Variants in APAF1 observed in about 807,000 individuals in gnomAD.
APAF1 encodes apoptotic protease-activating factor 1.
APAF1 carries 91 observed loss-of-function variants against 152.4 expected under a neutral mutation model. The observed-to-expected ratio is 0.60, with a 90% CI of 0.50 to 0.71. The LOEUF is 0.71. APAF1 is among the 30% of genes least tolerant of loss of function. The probability of loss-of-function intolerance (pLI) is 0.00; values close to 1 mark genes in which losing one functional copy is unlikely to be tolerated. For missense variants in APAF1, 1,283 were observed against 1,472.0 expected (o/e 0.87, Z 2.10); for synonymous variants, 484 against 494.1 (o/e 0.98, Z 0.27).
At chr12:98,665,424 GAT>G in intron 7 of APAF1, 127 bp from the exon 8 acceptor site, 1 of 755,150 alleles carries the variant, frequency 1.3e-6, no homozygotes, top group South Asian at 1.5e-5. Flanking sequence ...AGTCAAGAGT[GAT>G]AAATACTTAA....
rs2097661685 is a variant in APAF1, at chr12:98,659,292, T to C, written c.659T>C (p.Ile220Thr). ...ESFSQRLPLNIEEAKDRLRIL... is the reference protein window; with the variant it reads ...ESFSQRLPLNTEEAKDRLRIL... ...TTTTCCCAGAGGCTTCCACTTAATA[T>C]TGAAGAGGCTAAAGACCGTCTCCGC... The change falls in exon 5 of 27, where the codon ATT becomes ACT. Residue 220 changes from isoleucine (I) to threonine (T), a missense_variant. Transcript: ENST00000551964. 2 of 1,614,190 alleles carry C rather than the reference T, an allele frequency of 1.2e-6. No individual in the cohort carries two copies. Among genetic ancestry groups the C allele is most frequent in the Non-Finnish European group, 8.5e-7 (1 of 1,180,038 alleles).
chr12:98,667,567 CT>C lies in APAF1; in HGVS notation c.1420del (p.Ser474HisfsTer30). ...TCAGAGATATCACCAGCCGCATACT[CT>C]TTCACCAGATCAGGAAGACTGTATG... ...QFQRYHQPHTLSPDQEDCMYW... is the reference protein window; with the variant it reads ...QFQRYHQPHTXSPDQEDCMYW... On this transcript the variant is annotated frameshift_variant, in exon 10 of 27. Coordinates refer to ENST00000551964, the MANE Select transcript of APAF1 (RefSeq NM_181861.2). LOFTEE classifies it high-confidence loss of function. 1 of 1,614,032 alleles carries C rather than the reference CT, an allele frequency of 6.2e-7. No individual in the cohort carries two copies. The highest frequency in any genetic ancestry group is 1.1e-5 in the South Asian group (1 of 91,080).
intron 26 of APAF1, among the ~76,000 whole-genome samples, chr12:98,731,972 A>G (rs1282346069): frequency 6.6e-6 from 1 of 152,166 alleles, no homozygotes; most frequent in Non-Finnish European, 1.5e-5. Flanking sequence ...TAGAGAGAAC[A>G]TTGTTTCCTG....
chr12:98,683,033 T>C, intron 14 of APAF1, 110 bp from the exon 15 acceptor site: 1 of 848,192 alleles, frequency 1.2e-6, no homozygotes, highest in Non-Finnish European at 1.9e-6. Flanking sequence ...TAGGAAAATC[T>C]GCTATGACAG....
Position 98,671,690 on chromosome 12 carries a change from C to T in APAF1, c.1764C>T (p.Val588=), listed in dbSNP as rs371417225. The T allele has an allele frequency of 1.2e-5, 19 of 1,613,314 alleles. No individual in the cohort carries two copies. Among genetic ancestry groups the T allele is most frequent in the Middle Eastern group, 1.6e-4 (1 of 6,084 alleles). ...CTAAGCTGCAGGCCAAGCAGGAGGT[C>T]GATAATGGAATGCTTTACCTGGAAT... ...QQAKLQAKQE[V]DNGMLYLEWI... is the part of the protein sequence containing the mutation. The change falls in exon 12 of 27, where the codon GTC becomes GTT. Residue 588 remains valine (V), a synonymous_variant. Coordinates refer to ENST00000551964, the MANE Select transcript of APAF1 (RefSeq NM_181861.2).
At chr12:98,699,157 G>A (rs1437244159) in intron 16 of APAF1, among the ~76,000 whole-genome samples, 1 of 152,116 alleles carries the variant, frequency 6.6e-6, no homozygotes, top group African/African-American at 2.4e-5. Flanking sequence ...TCCACACCAT[G>A]CAAGACTCTT....
At chr12:98,713,494 A>G (rs1406297395) in intron 21 of APAF1, among the ~76,000 whole-genome samples, 1 of 152,212 alleles carries the variant, frequency 6.6e-6, no homozygotes, top group Non-Finnish European at 1.5e-5. Flanking sequence ...TGGTGGCAGA[A>G]GAACCTCAGT....
chr12:98,724,955 A>T (rs192293278), intron 24 of APAF1, among the ~76,000 whole-genome samples: 2 of 152,352 alleles, frequency 1.3e-5, no homozygotes, highest in East Asian at 3.9e-4. Context: ...ACATTTAAAG[A>T]TTACTTGTCA....
At chr12:98,673,983 A>C (rs1376725336) in intron 12 of APAF1, among the ~76,000 whole-genome samples, 2 of 151,954 alleles carry the variant, frequency 1.3e-5, no homozygotes, top group African/African-American at 4.8e-5. Context: ...AAAATGTTTA[A>C]TTTTTGTTGG....
intron 15 of APAF1, among the ~76,000 whole-genome samples, chr12:98,685,600 C>A (rs1001203208): frequency 1.3e-5 from 2 of 152,036 alleles, no homozygotes; most frequent in African/African-American, 4.8e-5. Context: ...TCCCAAAGTG[C>A]TAGGATTACA....
rs1214032614 is a variant in APAF1, at chr12:98,683,162, G to A, written c.2066G>A (p.Gly689Glu). The change falls in exon 15 of 27, where the codon GGG becomes GAG. Residue 689 changes from glycine (G) to glutamate (E), a missense_variant. Transcript: ENST00000551964. ...KKVKIWNSMT[G>E]ELVHTYDEHS... ...CTTTAGATTTGGAATTCTATGACTG[G>A]GGAACTAGTACACACCTATGATGAG... The A allele has an allele frequency of 6.2e-7, 1 of 1,612,828 alleles. No homozygotes were observed. The highest frequency in any genetic ancestry group is 8.5e-7 in the Non-Finnish European group (1 of 1,179,268).
intron 26 of APAF1, among the ~76,000 whole-genome samples, chr12:98,728,746 A>G (rs1171586815): frequency 6.6e-6 from 1 of 152,144 alleles, no homozygotes; most frequent in East Asian, 1.9e-4. Context: ...AAAAAACCAA[A>G]AATAAAGTTA....
At chr12:98,682,579 T>A (rs1217578940) in intron 14 of APAF1, among the ~76,000 whole-genome samples, 1 of 152,072 alleles carries the variant, frequency 6.6e-6, no homozygotes. Context: ...ATAAAACCTT[T>A]ATTTTTTTTA....
At chr12:98,711,857 T>C (rs534370654) in intron 20 of APAF1, among the ~76,000 whole-genome samples, 179 of 152,352 alleles carry the variant, frequency 1.2e-3, no homozygotes, top group African/African-American at 4.2e-3. Context: ...TTTACACTGT[T>C]TTGTGAGTGA....
At chr12:98,648,005 T>C (rs759065118) in intron 1 of APAF1, among the ~76,000 whole-genome samples, 2 of 152,190 alleles carry the variant, frequency 1.3e-5, no homozygotes, top group African/African-American at 2.4e-5. Context: ...TATTTTTACA[T>C]ATGTATTTGA....
chr12:98,715,161 A>C (rs1380683360), intron 21 of APAF1, among the ~76,000 whole-genome samples: 2 of 134,406 alleles, frequency 1.5e-5, no homozygotes, highest in Non-Finnish European at 3.1e-5. Flanking sequence ...ACTGGTTCCT[A>C]CTGCTGTCTG....
At position 98,727,186 on chromosome 12, in the gene APAF1, C is replaced by G. The variant is rs2097751773; in HGVS notation, c.3470C>G (p.Ser1157Ter). The change falls in exon 26 of 27, where the codon TCA becomes TGA. Residue 1157 changes from serine to a stop codon, truncating the protein, a stop_gained. Transcript: ENST00000551964. LOFTEE classifies it high-confidence loss of function. ...ATGTTTATGTAGATATGGAATGTCT[C>G]AAACGGTGAGCTTCTTCATTTGTGT... ...DNGEIRIWNVSNGELLHLCAP... is the reference protein window; with the variant it reads ...DNGEIRIWNV The G allele has an allele frequency of 1.2e-6, 2 of 1,614,078 alleles. No individual in the cohort carries two copies. Among genetic ancestry groups the G allele is most frequent in the Non-Finnish European group, 1.7e-6 (2 of 1,180,030 alleles).
intron 13 of APAF1, 50 bp downstream of exon 13, chr12:98,677,601 G>C: frequency 6.2e-7 from 1 of 1,612,286 alleles, no homozygotes; most frequent in Non-Finnish European, 8.5e-7. Flanking sequence ...ATCCAGTTTT[G>C]TGCAGATCAG....
At chr12:98,674,161 T>G (rs2097683983) in intron 12 of APAF1, among the ~76,000 whole-genome samples, 1 of 152,000 alleles carries the variant, frequency 6.6e-6, no homozygotes, top group South Asian at 2.1e-4. Context: ...ATGCCTAATT[T>G]TTTATTTTTT....
Sources: allele counts gnomAD v4.1 joint callset (sites outside exome capture counted in the v4.1 genomes callset), GRCh38; gene constraint gnomAD v4.1.1; transcripts MANE v1.5; gene names NCBI Gene and HGNC (gene_info 2026-07-23, HGNC 2026-07-21).